Variants in ATRNL1 observed in about 807,000 individuals in gnomAD.
The protein encoded by ATRNL1 is attractin like 1, also known as attractin-like protein 1.
In ATRNL1, 95 loss-of-function variants were observed where a neutral mutation model predicts 182.7. The ratio of observed to expected loss-of-function variants is 0.52; its 90% CI spans 0.44 to 0.62. ATRNL1 has a LOEUF of 0.62. Among genes scored for constraint, ATRNL1 ranks in the 20% least tolerant of loss-of-function variants. The pLI is 0.00. For missense variants in ATRNL1, 1,471 were observed against 1,679.5 expected (o/e 0.88, Z 2.17); for synonymous variants, 576 against 568.3 (o/e 1.01, Z -0.19).
rs116426721 is a variant in ATRNL1, at chr10:115,129,900, T to C, written c.829+365T>C. Among the ~76,000 whole-genome samples, 637 of 152,314 alleles carry C rather than the reference T, an allele frequency of 4.2e-3. 4 individuals are homozygous for C. The highest frequency in any genetic ancestry group is 0.015 in the African/African-American group (611 of 41,576). The stretch of plus-strand genomic sequence containing the variant: ...ATTTGATTTATAAGGGTAATATAAA[T>C]AGTATACTACAAAAATAAATGTTCA... On this transcript the variant is annotated intron_variant, in intron 5 of 28. Transcript: ENST00000355044.
chr10:115,797,369 A>G (rs1213796959), intron 27 of ATRNL1, among the ~76,000 whole-genome samples: 1 of 152,022 alleles, frequency 6.6e-6, no homozygotes, highest in East Asian at 1.9e-4. Context: ...TTAATTTGCA[A>G]TTTAATTTTA....
chr10:115,244,264 A>T (rs1179132320), intron 10 of ATRNL1, among the ~76,000 whole-genome samples: 1 of 152,124 alleles, frequency 6.6e-6, no homozygotes, highest in Non-Finnish European at 1.5e-5. Context: ...ATTGTTGCAA[A>T]ATGTATTATT....
chr10:115,743,813 A>C (rs1948212523), intron 27 of ATRNL1, among the ~76,000 whole-genome samples: 1 of 151,064 alleles, frequency 6.6e-6, no homozygotes, highest in Admixed American at 6.6e-5. Context: ...TAAAATACAC[A>C]TACAGTAACT....
chr10:115,343,602 A>G (rs942770744), intron 19 of ATRNL1, among the ~76,000 whole-genome samples: 15 of 152,180 alleles, frequency 9.9e-5, no homozygotes, highest in Middle Eastern at 3.4e-3. Context: ...AAGGTCACAT[A>G]TCTCTGTTTC....
chr10:115,387,450 T>C (rs577504189), intron 19 of ATRNL1, among the ~76,000 whole-genome samples: 1 of 152,318 alleles, frequency 6.6e-6, no homozygotes, highest in South Asian at 2.1e-4. Context: ...AATATAATTG[T>C]TTTCTATTGA....
At chr10:115,601,481 C>T (rs1315516819) in intron 26 of ATRNL1, among the ~76,000 whole-genome samples, 1 of 152,106 alleles carries the variant, frequency 6.6e-6, no homozygotes, top group African/African-American at 2.4e-5. Context: ...TTGAAATATC[C>T]ATCTATAATT....
chr10:115,539,495 A>G (rs566561916), intron 25 of ATRNL1, among the ~76,000 whole-genome samples: 1 of 152,240 alleles, frequency 6.6e-6, no homozygotes, highest in South Asian at 2.1e-4. Context: ...GAAGTTTGCC[A>G]TTTTTCCCCT....
chr10:115,767,331 C>G (rs1426405632), intron 27 of ATRNL1, among the ~76,000 whole-genome samples: 1 of 152,090 alleles, frequency 6.6e-6, no homozygotes, highest in Non-Finnish European at 1.5e-5. Flanking sequence ...CCTTTTCCTC[C>G]CAACAGCCCC....
At position 115,916,330 on chromosome 10, in the gene ATRNL1, A is replaced by G. The variant is rs963060865; in HGVS notation, c.4019-28328A>G. ...GCCCAAAGTAACATTATAAATTCCTACAATGCCTATTGGGCTCTGTCTGCT... is the reference window on the plus strand; with the variant it reads ...GCCCAAAGTAACATTATAAATTCCTGCAATGCCTATTGGGCTCTGTCTGCT... On this transcript the variant is annotated intron_variant, in intron 28 of 28. Transcript: ENST00000355044. Among the ~76,000 whole-genome samples the G allele has an allele frequency of 1.1e-4, 16 of 152,328 alleles. No individual in the cohort carries two copies. In the East Asian group the frequency reaches 2.5e-3, roughly 24 times the overall value.
chr10:115,106,259 G>A (rs1411122679), intron 1 of ATRNL1, among the ~76,000 whole-genome samples: 1 of 152,092 alleles, frequency 6.6e-6, no homozygotes, highest in Non-Finnish European at 1.5e-5. Flanking sequence ...CTTTGTTTTG[G>A]CCAATTTCTC....
At chr10:115,450,875 A>G (rs1290877711) in intron 21 of ATRNL1, among the ~76,000 whole-genome samples, 4 of 152,172 alleles carry the variant, frequency 2.6e-5, no homozygotes, top group African/African-American at 7.2e-5. Flanking sequence ...GCTTCAAACT[A>G]TATTACAGGG....
chr10:115,878,550 C>T (rs1275830150), intron 28 of ATRNL1, among the ~76,000 whole-genome samples: 3 of 152,108 alleles, frequency 2.0e-5, no homozygotes, highest in Admixed American at 1.3e-4. Context: ...ATCTGGGGTA[C>T]AAGTATATTT....
chr10:115,118,953 T>C (rs1181823021), intron 1 of ATRNL1, among the ~76,000 whole-genome samples: 1 of 152,288 alleles, frequency 6.6e-6, no homozygotes, highest in Non-Finnish European at 1.5e-5. Flanking sequence ...AACTTGTTAC[T>C]TAAAATGTGC....
chr10:115,262,942 A>AT (rs1554909185), intron 10 of ATRNL1, among the ~76,000 whole-genome samples: 2 of 151,930 alleles, frequency 1.3e-5, no homozygotes, highest in African/African-American at 4.8e-5. Context: ...TGGGGAGCAA[A>AT]TTGGGAAAAT....
intron 1 of ATRNL1, among the ~76,000 whole-genome samples, chr10:115,100,945 T>G (rs1420041813): frequency 6.6e-6 from 1 of 152,190 alleles, no homozygotes; most frequent in African/African-American, 2.4e-5. Flanking sequence ...GCACCTCTTT[T>G]GTCAGATTTT....
At chr10:115,656,124 G>A (rs1015533754) in intron 26 of ATRNL1, among the ~76,000 whole-genome samples, 6 of 152,012 alleles carry the variant, frequency 3.9e-5, no homozygotes, top group Non-Finnish European at 5.9e-5. Context: ...TTATTGGCCC[G>A]TTTCACTGTT....
In ATRNL1 at chr10:115,537,545, A is replaced by T. The variant is rs541639071; in HGVS notation, c.3717-11913A>T. ...AATTAGCCAAAGTGGTAATTTAAACATAAATTATTAACTCCACTGTTTAAA... is the reference window on the plus strand; with the variant it reads ...AATTAGCCAAAGTGGTAATTTAAACTTAAATTATTAACTCCACTGTTTAAA... On this transcript the variant is annotated intron_variant, in intron 25 of 28. Transcript: ENST00000355044. Among the ~76,000 whole-genome samples the T allele has an allele frequency of 4.5e-4, 68 of 152,338 alleles. No individual in the cohort carries two copies. In the South Asian group the frequency reaches 5.0e-3, roughly 11 times the overall value.
At chr10:115,718,855 C>T (rs1947333297) in intron 26 of ATRNL1, among the ~76,000 whole-genome samples, 1 of 152,200 alleles carries the variant, frequency 6.6e-6, no homozygotes, top group Admixed American at 6.5e-5. Flanking sequence ...CAGCTGCCTG[C>T]TTCCAGTTTT....
At chr10:115,524,391 A>G (rs1851105387) in intron 25 of ATRNL1, among the ~76,000 whole-genome samples, 1 of 152,208 alleles carries the variant, frequency 6.6e-6, no homozygotes, top group East Asian at 1.9e-4. Context: ...CAAAAATTGA[A>G]AAGAATAATT....
Sources: gnomAD v4.1 joint callset for allele counts (sites outside exome capture counted in the v4.1 genomes callset) on GRCh38, gnomAD v4.1.1 for gene constraint, MANE v1.5 for transcripts, NCBI Gene and HGNC (gene_info 2026-07-23, HGNC 2026-07-21) for gene names.